JAKMIP1: variants seen among roughly 807,000 people sequenced by gnomAD.
The protein encoded by JAKMIP1 is janus kinase and microtubule interacting protein 1, also known as janus kinase and microtubule-interacting protein 1.
A neutral mutation model predicts 113.0 loss-of-function variants in JAKMIP1; 33 were observed. That is an observed-to-expected ratio of 0.29 (90% CI 0.22 to 0.39). The LOEUF is 0.39. Ranked by LOEUF, JAKMIP1 falls within the 10% of genes least tolerant of loss-of-function variation. The pLI, the probability that JAKMIP1 is intolerant of heterozygous loss-of-function variation, is 1.00. For missense variants in JAKMIP1, 813 were observed against 1,080.5 expected, an observed-to-expected ratio of 0.75 and a Z score of 3.47; for synonymous variants, 480 against 459.9, an observed-to-expected ratio of 1.04 and a Z score of -0.56.
rs1184677993 is a variant in JAKMIP1 at position 6,061,382 on chromosome 4, T to G, written c.1561-875A>C. Among the ~76,000 whole-genome samples, 2 of 152,166 alleles carry G rather than the reference T, an allele frequency of 1.3e-5. No homozygotes were observed. Among genetic ancestry groups the G allele is most frequent in the African/African-American group, 2.4e-5 (1 of 41,438 alleles). The stretch of plus-strand genomic sequence containing the variant: ...TCCTGGCTCCCCGCTACAGGGCCAC[T>G]GCTGCCCCTGGAACAAACTCCACGT... On this transcript the variant is annotated intron_variant, in intron 10 of 20. Transcript: ENST00000409021. The surrounding 1 kb of genome is among the most constrained non-coding windows in gnomAD (Gnocchi z 5.3).
At chr4:6,030,916 T>A (rs10014474) in intron 19 of JAKMIP1, among the ~76,000 whole-genome samples, 104,926 of 152,020 alleles carry the variant, frequency 0.69, 36,729 homozygotes, top group African/African-American at 0.75. Flanking sequence ...CACTCCAGCA[T>A]GCTCCCAGGT....
At chr4:6,066,626 C>T (rs73073458) in intron 8 of JAKMIP1, among the ~76,000 whole-genome samples, 5,141 of 152,188 alleles carry the variant, frequency 0.034, 94 homozygotes, top group South Asian at 0.082. Context: ...TGCCCAGGCC[C>T]CAATCCCAGG....
At chr4:6,149,942 C>T (rs190482824) in intron 1 of JAKMIP1, among the ~76,000 whole-genome samples, 373 of 152,276 alleles carry the variant, frequency 2.4e-3, no homozygotes, top group Middle Eastern at 0.017. Context: ...TCTCCTCCTG[C>T]CTCTGCTCTG....
intron 8 of JAKMIP1, among the ~76,000 whole-genome samples, chr4:6,077,656 T>A (rs947053341): frequency 7.2e-5 from 11 of 151,878 alleles, no homozygotes; most frequent in Non-Finnish European, 1.2e-4. Context: ...CTAATTTTTT[T>A]AATTTTTTGT....
chr4:6,066,218 A>G (rs541519460), intron 8 of JAKMIP1, among the ~76,000 whole-genome samples: 2 of 151,824 alleles, frequency 1.3e-5, no homozygotes, highest in African/African-American at 4.8e-5. Flanking sequence ...TGAGTGTTTT[A>G]CCCAGATATC....
rs1705910073 is a variant in JAKMIP1, at chr4:6,158,866, A to T, written c.-148+41387T>A. ...CACTTTGGGAGTTTGAAGCAGGAGG[A>T]TCGCTTGACCTCAGGAGTTCGAGAC... On this transcript the variant is annotated intron_variant, in intron 1 of 20. Coordinates refer to ENST00000409021, the MANE Select transcript of JAKMIP1 (RefSeq NM_001099433.2). The surrounding 1 kb of genome is among the most constrained non-coding windows in gnomAD (Gnocchi z 5.3). 6.6e-6 allele frequency among the ~76,000 whole-genome samples: 1 copy of T among 152,144 alleles called. No individual in the cohort carries two copies. Among genetic ancestry groups the T allele is most frequent in the African/African-American group, 2.4e-5 (1 of 41,410 alleles).
chr4:6,059,029 G>A lies in JAKMIP1; in HGVS notation c.1644+1395C>T, dbSNP rs73073448. On this transcript the variant is annotated intron_variant, in intron 11 of 20. Transcript: ENST00000409021. This position sits in a 1 kb window ranked among gnomAD's most constrained non-coding sequence, Gnocchi z 4.8. The stretch of plus-strand genomic sequence containing the variant: ...AGCCCCATTTTAAAGATGAGGAAAC[G>A]GAGGCACAAAGAGATTATGTTACTT... Among the ~76,000 whole-genome samples the A allele has an allele frequency of 9.4e-4, 143 of 152,298 alleles. 2 individuals are homozygous for A. Among genetic ancestry groups the A allele is most frequent in the African/African-American group, 3.2e-3 (135 of 41,550 alleles).
chr4:6,106,545 TCTCTCTCTCTCTTC>T lies in JAKMIP1; in HGVS notation c.130-592_130-579del, dbSNP rs1713991622. Among the ~76,000 whole-genome samples the T allele has an allele frequency of 6.6e-6, 1 of 151,556 alleles. No individual in the cohort carries two copies. Among genetic ancestry groups the T allele is most frequent in the African/African-American group, 2.4e-5 (1 of 41,192 alleles). The stretch of plus-strand genomic sequence containing the variant: ...CCTCTCTTTCTCCCTCTCTCCTCTC[TCTCTCTCTCTCTTC>T]CTCTCTCTCTCCTCTGTTTTATCAT... On this transcript the variant is annotated intron_variant, in intron 2 of 20. Transcript: ENST00000409021. The surrounding 1 kb of genome is among the most constrained non-coding windows in gnomAD (Gnocchi z 5.9).
At chr4:6,198,416 G>GT (rs1728076981) in intron 1 of JAKMIP1, among the ~76,000 whole-genome samples, 1 of 152,176 alleles carries the variant, frequency 6.6e-6, no homozygotes, top group Non-Finnish European at 1.5e-5. Context: ...GGCAGGGAGA[G>GT]GGGAGAGATG....
chr4:6,080,794 G>A lies in JAKMIP1; in HGVS notation c.1102-482C>T, dbSNP rs1167603230. ...CAGCAGTGTGAAAATGGACTAATAC[G>A]TGGCCACCTTGTCCTGTGCTGGAAG... On this transcript the variant is annotated intron_variant, in intron 6 of 20. Coordinates refer to ENST00000409021, the MANE Select transcript of JAKMIP1 (RefSeq NM_001099433.2). The surrounding 1 kb of genome is among the most constrained non-coding windows in gnomAD (Gnocchi z 6.0). 2.0e-5 allele frequency among the ~76,000 whole-genome samples: 3 copies of A among 152,012 alleles called. No individual in the cohort carries two copies. The highest frequency in any genetic ancestry group is 2.1e-4 in the South Asian group (1 of 4,808).
Position 6,105,786 on chromosome 4 carries a change from T to C in JAKMIP1, c.311A>G (p.Lys104Arg). ...QHEQEAARTA[K>R]IKEGELQRLQ... Reference sequence around the variant, plus strand: ...CCGCTGCAGCTCGCCCTCCTTGATCTTGGCGGTGCGCGCCGCCTCCTGCTC... The same window carrying C: ...CCGCTGCAGCTCGCCCTCCTTGATCCTGGCGGTGCGCGCCGCCTCCTGCTC... The change falls in exon 3 of 21, where the codon AAG (lysine) becomes AGG (arginine). Residue 104 changes from lysine (K) to arginine (R), a missense_variant. Lys to Arg is a conservative substitution (Grantham distance 26). This residue lies in a region of JAKMIP1 where 540 missense variants were observed against 653.9 expected (regional missense o/e 0.83). Coordinates refer to ENST00000409021, the MANE Select transcript of JAKMIP1 (RefSeq NM_001099433.2). The C allele has an allele frequency of 1.2e-6, 2 of 1,607,580 alleles. No homozygotes were observed. Among genetic ancestry groups the C allele is most frequent in the East Asian group, 2.2e-5 (1 of 44,848 alleles).
At position 6,065,586 on chromosome 4, in the gene JAKMIP1, C is replaced by T. The variant is rs908529304; in HGVS notation, c.1303-578G>A. Among the ~76,000 whole-genome samples the T allele has an allele frequency of 6.6e-6, 1 of 152,158 alleles. No individual in the cohort carries two copies. Among genetic ancestry groups the T allele is most frequent in the Non-Finnish European group, 1.5e-5 (1 of 68,024 alleles). On this transcript the variant is annotated intron_variant, in intron 8 of 20. Coordinates refer to ENST00000409021, the MANE Select transcript of JAKMIP1 (RefSeq NM_001099433.2). The surrounding 1 kb of genome is among the most constrained non-coding windows in gnomAD (Gnocchi z 5.1). ...GCAAATGTGTGGCCCAAGTCCTGGC[C>T]AGACCCACACTTAGAGGCAATCTCT... is the stretch of plus-strand genomic sequence containing the variant.
intron 1 of JAKMIP1, among the ~76,000 whole-genome samples, chr4:6,126,572 TCA>T (rs1239718094): frequency 2.9e-5 from 2 of 69,666 alleles, no homozygotes; most frequent in Admixed American, 2.9e-4. Flanking sequence ...GCAGAAACAC[TCA>T]CACGCACACA....
intron 3 of JAKMIP1, among the ~76,000 whole-genome samples, chr4:6,102,874 C>T (rs1034276987): frequency 6.6e-6 from 1 of 151,696 alleles, no homozygotes; most frequent in Non-Finnish European, 1.5e-5. Flanking sequence ...GCTGGGACTA[C>T]AGGCGCCCAC....
At position 6,157,924 on chromosome 4, in the gene JAKMIP1, A is replaced by G. The variant is rs1470135097; in HGVS notation, c.-148+42329T>C. ...GGGTGTCTTGCTTTGCATCAGCAGCACTAACTCCTGATGCAACAGCTTTCT... is the reference window on the plus strand; with the variant it reads ...GGGTGTCTTGCTTTGCATCAGCAGCGCTAACTCCTGATGCAACAGCTTTCT... On this transcript the variant is annotated intron_variant, in intron 1 of 20. Coordinates refer to ENST00000409021, the MANE Select transcript of JAKMIP1 (RefSeq NM_001099433.2). The surrounding 1 kb of genome is among the most constrained non-coding windows in gnomAD (Gnocchi z 4.7). Among the ~76,000 whole-genome samples, 1 of 152,380 alleles carries G rather than the reference A, an allele frequency of 6.6e-6. No homozygotes were observed. Among genetic ancestry groups the G allele is most frequent in the East Asian group, 1.9e-4 (1 of 5,192 alleles).
chr4:6,081,865 A>G lies in JAKMIP1; in HGVS notation c.955-110T>C, dbSNP rs1720606858. ...CCCAGTTAGGACCCCTTCTGAGGCC[A>G]GTGTCCTGGATGACACATTTGTTTG... is the stretch of plus-strand genomic sequence containing the variant. On this transcript the variant is annotated intron_variant, in intron 5 of 20. Coordinates refer to ENST00000409021, the MANE Select transcript of JAKMIP1 (RefSeq NM_001099433.2). This position sits in a 1 kb window ranked among gnomAD's most constrained non-coding sequence, Gnocchi z 4.6. 8.0e-7 allele frequency: 1 copy of G among 1,243,042 alleles called. No homozygotes were observed. The highest frequency in any genetic ancestry group is 2.0e-5 in the Admixed American group (1 of 50,798). 77.0% of individuals were successfully genotyped at this position (1,243,042 alleles called of 1,614,324 possible).
chr4:6,128,914 G>A (rs1013614460), intron 1 of JAKMIP1, among the ~76,000 whole-genome samples: 1 of 152,214 alleles, frequency 6.6e-6, no homozygotes, highest in Non-Finnish European at 1.5e-5. Context: ...GCGGCCCACT[G>A]CCCAGAACCC....
chr4:6,117,756 G>C (rs1367504628), intron 1 of JAKMIP1, among the ~76,000 whole-genome samples: 1 of 152,066 alleles, frequency 6.6e-6, no homozygotes, highest in Non-Finnish European at 1.5e-5. Flanking sequence ...CTACCCCTAG[G>C]TGCGCATTCT....
chr4:6,107,556 G>A (rs532252832), intron 2 of JAKMIP1, among the ~76,000 whole-genome samples: 99 of 152,238 alleles, frequency 6.5e-4, no homozygotes, highest in African/African-American at 2.2e-3. Flanking sequence ...CCAATCAGTC[G>A]AAGGCTTTAA....
Sources: allele counts gnomAD v4.1 joint callset (sites outside exome capture counted in the v4.1 genomes callset), GRCh38; gene constraint gnomAD v4.1.1; regional missense constraint gnomAD v4.1.1; non-coding constraint Gnocchi (gnomAD v3.1); transcripts MANE v1.5; gene names NCBI Gene and HGNC (gene_info 2026-07-23, HGNC 2026-07-21).